ADAMTS17: variants seen among roughly 807,000 people sequenced by gnomAD.
ADAMTS17 encodes the protein A disintegrin and metalloproteinase with thrombospondin motifs 17.
In ADAMTS17, 113 loss-of-function variants were observed where a neutral mutation model predicts 141.5. The ratio of observed to expected loss-of-function variants is 0.80; its 90% CI spans 0.69 to 0.93. The LOEUF is 0.93. ADAMTS17 is among the 40% of genes least tolerant of loss of function. The pLI is 0.00. For missense variants in ADAMTS17, 1,659 were observed against 1,517.9 expected (o/e 1.09, Z -1.54); for synonymous variants, 768 against 630.6 (o/e 1.22, Z -3.27).
intron 13 of ADAMTS17, among the ~76,000 whole-genome samples, chr15:100,111,976 A>C (rs2036815028): frequency 6.6e-6 from 1 of 152,238 alleles, no homozygotes; most frequent in African/African-American, 2.4e-5. Context: ...AAAATTACCA[A>C]GAGCAAAGTG....
intron 12 of ADAMTS17, chr15:100,128,745 G>A (rs753409358): frequency 4.6e-5 from 7 of 152,264 alleles, no homozygotes; most frequent in Non-Finnish European, 7.3e-5. Flanking sequence ...AGGCCAGCGA[G>A]AGTACGAGAG....
At chr15:100,004,727 T>G (rs939025940) in intron 18 of ADAMTS17, among the ~76,000 whole-genome samples, 1 of 151,706 alleles carries the variant, frequency 6.6e-6, no homozygotes. Context: ...TTCAAGGGAT[T>G]CTGGTGCCTC....
intron 7 of ADAMTS17, among the ~76,000 whole-genome samples, chr15:100,231,906 A>G (rs1475157778): frequency 6.6e-6 from 1 of 152,242 alleles, no homozygotes; most frequent in South Asian, 2.1e-4. Context: ...TTTGAGCCCA[A>G]TTTAGGCTGA....
chr15:100,071,670 TCAATAGATG>T (rs1308067315), intron 15 of ADAMTS17, among the ~76,000 whole-genome samples: 1 of 150,396 alleles, frequency 6.6e-6, no homozygotes, highest in Non-Finnish European at 1.5e-5. Context: ...CATGATTATC[TCAATAGATG>T]CAGAAAAGGC....
chr15:99,977,382 ATATATATATATATATATAATTTTT>A (rs2060375227), intron 20 of ADAMTS17, among the ~76,000 whole-genome samples: 1 of 20,928 alleles, frequency 4.8e-5, no homozygotes, highest in African/African-American at 2.2e-4. Context: ...ATATATATAT[ATATATATATATATATATAATTTTT>A]TTTTTTTTTT....
intron 15 of ADAMTS17, among the ~76,000 whole-genome samples, chr15:100,072,057 G>A (rs1351165462): frequency 6.7e-6 from 1 of 149,170 alleles, no homozygotes; most frequent in East Asian, 1.9e-4. Context: ...CTTCCGCAAA[G>A]TCTGAGGATA....
At chr15:100,196,337 T>G (rs1596247913) in intron 8 of ADAMTS17, among the ~76,000 whole-genome samples, 1 of 152,378 alleles carries the variant, frequency 6.6e-6, no homozygotes, top group East Asian at 1.9e-4. Context: ...TAAATCTAGC[T>G]TTGTGTTTTC....
intron 7 of ADAMTS17, among the ~76,000 whole-genome samples, chr15:100,248,312 T>G (rs572887441): frequency 6.6e-6 from 1 of 152,218 alleles, no homozygotes; most frequent in South Asian, 2.1e-4. Flanking sequence ...GAGGCACGGG[T>G]AGGAGAAAAC....
intron 18 of ADAMTS17, among the ~76,000 whole-genome samples, chr15:100,029,835 G>T (rs1180585878): frequency 6.6e-6 from 1 of 152,212 alleles, no homozygotes; most frequent in Non-Finnish European, 1.5e-5. Flanking sequence ...ACTATATGCT[G>T]GTGGTTCTCA....
intron 7 of ADAMTS17, among the ~76,000 whole-genome samples, chr15:100,206,059 G>A (rs7177577): frequency 0.16 from 24,636 of 152,144 alleles, 3,085 homozygotes; most frequent in African/African-American, 0.35. Flanking sequence ...CATTCTGACC[G>A]CTCTCTCGGC....
At chr15:100,092,233 T>C (rs1043661744) in intron 15 of ADAMTS17, among the ~76,000 whole-genome samples, 1 of 152,232 alleles carries the variant, frequency 6.6e-6, no homozygotes, top group South Asian at 2.1e-4. Flanking sequence ...ATTGGTTTCA[T>C]CTTACAGTTT....
Position 100,223,260 on chromosome 15 carries a change from G to A in ADAMTS17, c.1076-23837C>T, listed in dbSNP as rs879572489. Among the ~76,000 whole-genome samples, 9 of 152,200 alleles carry A rather than the reference G, an allele frequency of 5.9e-5. No homozygotes were observed. In the South Asian group the frequency reaches 8.3e-4, roughly 14 times the overall value. On this transcript the variant is annotated intron_variant, in intron 7 of 21. Transcript: ENST00000268070. ...TCACTGCTGCCACGTGGGGATGTGC[G>A]CCTGGAGGTGCCAGATTTTTCCAAA...
At position 100,109,037 on chromosome 15, in the gene ADAMTS17, T is replaced by C. The variant is rs765802113; in HGVS notation, c.1968A>G (p.Thr656=). Residue 656 remains threonine (T), a synonymous_variant, in exon 14 of 22, where the codon ACA becomes ACG. Coordinates refer to ENST00000268070, the MANE Select transcript of ADAMTS17 (RefSeq NM_139057.4). The part of the protein sequence containing the change: ...LLVADRVLDG[T]PCGPYETDLC... ...GATCAGTCTCGTAGGGCCCGCAGGG[T>C]GTACCGTCCAGGACCCTGTCGGCCA... 6.2e-7 allele frequency: 1 copy of C among 1,614,018 alleles called. No individual in the cohort carries two copies. Among genetic ancestry groups the C allele is most frequent in the Non-Finnish European group, 8.5e-7 (1 of 1,180,032 alleles).
chr15:100,039,747 G>T (rs900913272), intron 18 of ADAMTS17, among the ~76,000 whole-genome samples: 1 of 152,140 alleles, frequency 6.6e-6, no homozygotes, highest in East Asian at 1.9e-4. Flanking sequence ...GGTTTGGTTG[G>T]TTTATACTGT....
At chr15:100,181,835 A>C (rs905003027) in intron 8 of ADAMTS17, among the ~76,000 whole-genome samples, 1 of 152,236 alleles carries the variant, frequency 6.6e-6, no homozygotes, top group Non-Finnish European at 1.5e-5. Context: ...GTGTCTAATT[A>C]AGTTGCATGC....
chr15:100,260,194 G>A (rs1381962508), intron 6 of ADAMTS17, among the ~76,000 whole-genome samples: 1 of 152,162 alleles, frequency 6.6e-6, no homozygotes, highest in African/African-American at 2.4e-5. Context: ...CGGTGTCTGG[G>A]GCTGGGGTCA....
At chr15:100,065,357 A>G (rs967068528) in intron 15 of ADAMTS17, among the ~76,000 whole-genome samples, 9 of 152,176 alleles carry the variant, frequency 5.9e-5, no homozygotes, top group Admixed American at 5.9e-4. Context: ...AAAAATTATA[A>G]AAGGATCAAG....
chr15:100,026,686 C>T (rs540178502), intron 18 of ADAMTS17, among the ~76,000 whole-genome samples: 14 of 152,326 alleles, frequency 9.2e-5, no homozygotes, highest in South Asian at 2.1e-4. Flanking sequence ...TGCTGCTGCC[C>T]GAGGCACAGG....
intron 8 of ADAMTS17, among the ~76,000 whole-genome samples, chr15:100,191,002 A>G (rs1265342146): frequency 6.6e-6 from 1 of 152,172 alleles, no homozygotes; most frequent in African/African-American, 2.4e-5. Context: ...GACTCTGGAC[A>G]TCCCTTCCAG....
Sources: allele counts gnomAD v4.1 joint callset (sites outside exome capture counted in the v4.1 genomes callset), GRCh38; gene constraint gnomAD v4.1.1; transcripts MANE v1.5; gene names NCBI Gene and HGNC (gene_info 2026-07-23, HGNC 2026-07-21).